RANBP17: variants seen among roughly 807,000 people sequenced by gnomAD.
RANBP17 encodes ran-binding protein 17.
In RANBP17, 158 loss-of-function variants were observed where a neutral mutation model predicts 141.2. The ratio of observed to expected loss-of-function variants is 1.12; its 90% CI spans 0.98 to 1.28. RANBP17 has a LOEUF of 1.28. Ranked by LOEUF, RANBP17 falls within the 50% of genes most tolerant of loss-of-function variation. The probability of loss-of-function intolerance (pLI) is 0.00; values close to 1 mark genes in which losing one functional copy is unlikely to be tolerated. For missense variants in RANBP17, 1,438 were observed against 1,290.7 expected (o/e 1.11, Z -1.75); for synonymous variants, 430 against 450.0 (o/e 0.96, Z 0.56).
chr5:171,062,123 T>A lies in RANBP17; in HGVS notation c.1710+93746T>A, dbSNP rs1182391729. Among the ~76,000 whole-genome samples, 7 of 151,766 alleles carry A rather than the reference T, an allele frequency of 4.6e-5. No individual in the cohort carries two copies. The East Asian group carries it at 7.7e-4, about 17-fold the overall frequency. ...CTTGACTCTTTATCCAATTTGCCAG[T>A]CTGTGTCTTTTAATTGGAGCATTTA... On this transcript the variant is annotated intron_variant, in intron 14 of 27. Transcript: ENST00000523189.
intron 24 of RANBP17, among the ~76,000 whole-genome samples, chr5:171,259,439 C>G (rs897973506): frequency 6.6e-6 from 1 of 152,130 alleles, no homozygotes; most frequent in Non-Finnish European, 1.5e-5. Context: ...CATCAGTATT[C>G]ACAGTAGCAA....
intron 24 of RANBP17, among the ~76,000 whole-genome samples, chr5:171,265,386 T>G (rs1766603311): frequency 6.6e-6 from 1 of 151,994 alleles, no homozygotes; most frequent in Non-Finnish European, 1.5e-5. Context: ...AATACAAAAA[T>G]TACCCAGGTG....
intron 12 of RANBP17, among the ~76,000 whole-genome samples, chr5:170,944,458 G>T (rs1022006062): frequency 1.3e-5 from 2 of 152,160 alleles, no homozygotes; most frequent in African/African-American, 4.8e-5. Context: ...GGTAGAGACA[G>T]GGTTTTGCCA....
At chr5:171,218,767 A>C (rs1763378601) in intron 21 of RANBP17, among the ~76,000 whole-genome samples, 1 of 143,600 alleles carries the variant, frequency 7.0e-6, no homozygotes, top group South Asian at 2.2e-4. Context: ...GTATTCCTCC[A>C]TCCCTTTATT....
At chr5:171,049,777 G>A (rs1193406367) in intron 14 of RANBP17, among the ~76,000 whole-genome samples, 1 of 152,132 alleles carries the variant, frequency 6.6e-6, no homozygotes, top group Non-Finnish European at 1.5e-5. Flanking sequence ...GCACATGGCT[G>A]TAGGCATGCA....
chr5:171,026,638 G>A (rs1034532199), intron 14 of RANBP17, among the ~76,000 whole-genome samples: 29 of 152,162 alleles, frequency 1.9e-4, no homozygotes, highest in African/African-American at 5.8e-4. Flanking sequence ...CTGTGAAATC[G>A]TGAAGGAGTA....
intron 14 of RANBP17, among the ~76,000 whole-genome samples, chr5:170,972,803 T>G (rs1777089173): frequency 6.6e-6 from 1 of 152,180 alleles, no homozygotes; most frequent in African/African-American, 2.4e-5. Flanking sequence ...AACAGCTTAT[T>G]TCCTCTCCCC....
intron 14 of RANBP17, among the ~76,000 whole-genome samples, chr5:171,160,343 CAT>C (rs925374437): frequency 6.6e-6 from 1 of 152,150 alleles, no homozygotes; most frequent in African/African-American, 2.4e-5. Flanking sequence ...CCACTTAGAA[CAT>C]ATATCTGTTT....
chr5:171,079,125 T>G (rs1785111054), intron 14 of RANBP17, among the ~76,000 whole-genome samples: 1 of 152,146 alleles, frequency 6.6e-6, no homozygotes, highest in African/African-American at 2.4e-5. Context: ...AAGGAGTTGA[T>G]TCTAACCCTC....
At chr5:171,046,003 C>A (rs950517496) in intron 14 of RANBP17, among the ~76,000 whole-genome samples, 11 of 152,096 alleles carry the variant, frequency 7.2e-5, no homozygotes, top group African/African-American at 2.7e-4. Context: ...TTTCACTCAG[C>A]ACAATTCCTT....
intron 2 of RANBP17, among the ~76,000 whole-genome samples, chr5:170,880,726 G>A (rs1004772053): frequency 4.6e-5 from 7 of 152,214 alleles, no homozygotes; most frequent in African/African-American, 1.7e-4. Flanking sequence ...GTTTTGCTAT[G>A]TAATCAATGA....
chr5:171,028,922 G>A, intron 14 of RANBP17: 1 of 1,288,586 alleles, frequency 7.8e-7, no homozygotes, highest in Non-Finnish European at 1.0e-6. Context: ...TCCAACTCGG[G>A]TTTCTTCTTC....
intron 16 of RANBP17, among the ~76,000 whole-genome samples, chr5:171,180,087 A>T (rs994318429): frequency 6.6e-5 from 10 of 152,182 alleles, no homozygotes; most frequent in Admixed American, 5.2e-4. Flanking sequence ...TTTTCTGAGA[A>T]TTTAGTTTAA....
chr5:170,939,428 A>C (rs1774151472), intron 12 of RANBP17, among the ~76,000 whole-genome samples: 1 of 151,854 alleles, frequency 6.6e-6, no homozygotes, highest in Admixed American at 6.6e-5. Context: ...CCTGTCAACC[A>C]GGCTGGAGTG....
chr5:171,051,947 G>A (rs1273729964), intron 14 of RANBP17, among the ~76,000 whole-genome samples: 1 of 151,962 alleles, frequency 6.6e-6, no homozygotes, highest in Non-Finnish European at 1.5e-5. Context: ...TAGCCATCTT[G>A]GTAGGTGTGA....
At chr5:170,888,997 G>T (rs1327065711) in intron 3 of RANBP17, among the ~76,000 whole-genome samples, 1 of 151,862 alleles carries the variant, frequency 6.6e-6, no homozygotes, top group African/African-American at 2.4e-5. Flanking sequence ...TTAGCTTATT[G>T]ATGTGATGGA....
chr5:171,139,085 CAAAAAAA>C (rs1757518291), intron 14 of RANBP17, among the ~76,000 whole-genome samples: 1 of 149,596 alleles, frequency 6.7e-6, no homozygotes, highest in Non-Finnish European at 1.5e-5. Context: ...CTCTTTAAAA[CAAAAAAA>C]GAAAAAAGAA....
In RANBP17 at chr5:171,091,129, A is replaced by T. The variant is rs182982134; in HGVS notation, c.1711-79001A>T. Among the ~76,000 whole-genome samples the T allele has an allele frequency of 2.0e-5, 3 of 152,304 alleles. No individual in the cohort carries two copies. The East Asian group carries it at 5.8e-4, about 29-fold the overall frequency. ...CATCTGGAAAATCTGCAGACATTCA[A>T]TGCCAGCCCATGAAAGCAGCCAGGA... is the stretch of plus-strand genomic sequence containing the variant. On this transcript the variant is annotated intron_variant, in intron 14 of 27. Coordinates refer to ENST00000523189, the MANE Select transcript of RANBP17 (RefSeq NM_022897.5).
At chr5:170,877,956 C>T in intron 1 of RANBP17, 141 bp from the exon 2 acceptor site, 3 of 479,584 alleles carry the variant, frequency 6.3e-6, no homozygotes, top group African/African-American at 2.0e-5. Context: ...AACTGTATCC[C>T]CTAGTAAGTA....
Sources: allele counts gnomAD v4.1 joint callset (sites outside exome capture counted in the v4.1 genomes callset), GRCh38; gene constraint gnomAD v4.1.1; transcripts MANE v1.5; gene names NCBI Gene and HGNC (gene_info 2026-07-23, HGNC 2026-07-21).